CTNNA3: variants seen among roughly 807,000 people sequenced by gnomAD.
CTNNA3 encodes catenin alpha-3.
A neutral mutation model predicts 95.7 loss-of-function variants in CTNNA3; 76 were observed. The observed-to-expected ratio is 0.79, with a 90% CI of 0.66 to 0.96. The LOEUF is 0.96. CTNNA3 is among the 40% of genes least tolerant of loss of function. CTNNA3 has a pLI of 0.00. For missense variants in CTNNA3, 1,191 were observed against 1,089.8 expected, an observed-to-expected ratio of 1.09 and a Z score of -1.31; for synonymous variants, 431 against 374.4, an observed-to-expected ratio of 1.15 and a Z score of -1.74.
intron 9 of CTNNA3, among the ~76,000 whole-genome samples, chr10:66,673,188 G>C (rs568534115): frequency 1.3e-5 from 2 of 152,114 alleles, no homozygotes; most frequent in African/African-American, 4.8e-5. Context: ...AAAAATATTT[G>C]AAAACAGAAT....
intron 15 of CTNNA3, among the ~76,000 whole-genome samples, chr10:66,044,089 G>T (rs1248442724): frequency 6.6e-6 from 1 of 151,912 alleles, no homozygotes; most frequent in African/African-American, 2.4e-5. Context: ...TCCCCTCCCA[G>T]GTTCAAGCGA....
At position 67,294,140 on chromosome 10, in the gene CTNNA3, C is replaced by T. The variant is rs147775547; in HGVS notation, c.580-74270G>A. Among the ~76,000 whole-genome samples the T allele has an allele frequency of 1.3e-4, 20 of 152,220 alleles. No individual in the cohort carries two copies. The East Asian group carries it at 3.7e-3, about 28-fold the overall frequency. On this transcript the variant is annotated intron_variant, in intron 5 of 17. Coordinates refer to ENST00000433211, the MANE Select transcript of CTNNA3 (RefSeq NM_013266.4). ...CCTACAAAGAGGATGAGGTCTTATT[C>T]GTTGTCCCCAACACCTCGCTTTTTG...
chr10:66,122,304 G>A (rs2133820105), intron 13 of CTNNA3, among the ~76,000 whole-genome samples: 1 of 152,198 alleles, frequency 6.6e-6, no homozygotes, highest in African/African-American at 2.4e-5. Context: ...AAATTGAAAT[G>A]TGAAGAGAAA....
intron 7 of CTNNA3, among the ~76,000 whole-genome samples, chr10:67,151,898 AAC>A (rs1231363642): frequency 2.6e-5 from 4 of 152,234 alleles, no homozygotes; most frequent in Non-Finnish European, 5.9e-5. Context: ...CCTAGGGGAT[AAC>A]ATGCTGTGTC....
At chr10:66,207,992 C>T (rs1589732968) in intron 13 of CTNNA3, among the ~76,000 whole-genome samples, 1 of 152,084 alleles carries the variant, frequency 6.6e-6, no homozygotes, top group African/African-American at 2.4e-5. Flanking sequence ...ATATTTCTTC[C>T]AGGCACAATC....
In CTNNA3 at chr10:66,059,633, G is replaced by T. The variant is rs997146676; in HGVS notation, c.2159+9675C>A. On this transcript the variant is annotated intron_variant, in intron 15 of 17. Transcript: ENST00000433211. The stretch of plus-strand genomic sequence containing the variant: ...TTCTTCTTCCATGCTATCTTATGTT[G>T]CTCTGGCTCTAAATTCTCCACTGTG... Among the ~76,000 whole-genome samples the T allele has an allele frequency of 2.6e-5, 4 of 151,808 alleles. No homozygotes were observed. The East Asian group carries it at 5.8e-4, about 22-fold the overall frequency.
At chr10:66,570,454 A>G (rs1842837322) in intron 10 of CTNNA3, among the ~76,000 whole-genome samples, 1 of 151,938 alleles carries the variant, frequency 6.6e-6, no homozygotes. Context: ...ACGCACAGCT[A>G]ATTTTTTTAT....
intron 5 of CTNNA3, among the ~76,000 whole-genome samples, chr10:67,428,809 C>A (rs972301938): frequency 6.6e-6 from 1 of 151,928 alleles, no homozygotes; most frequent in Non-Finnish European, 1.5e-5. Flanking sequence ...GCTAGCCTAC[C>A]AGCCTACATA....
chr10:66,123,956 G>A (rs945114990), intron 13 of CTNNA3, among the ~76,000 whole-genome samples: 6 of 152,092 alleles, frequency 3.9e-5, no homozygotes, highest in African/African-American at 1.4e-4. Flanking sequence ...GGGCTCCCAT[G>A]AAGACCTCTG....
chr10:66,752,412 C>T (rs760408706), intron 9 of CTNNA3, among the ~76,000 whole-genome samples: 6 of 152,024 alleles, frequency 3.9e-5, no homozygotes, highest in Non-Finnish European at 8.8e-5. Context: ...AAACTTTGAC[C>T]CTTTATTTCA....
At chr10:66,007,551 G>A (rs1191158754) in intron 15 of CTNNA3, among the ~76,000 whole-genome samples, 1 of 152,146 alleles carries the variant, frequency 6.6e-6, no homozygotes, top group Non-Finnish European at 1.5e-5. Context: ...CTTCTCATGT[G>A]GATGTGTCCT....
chr10:66,557,752 C>T (rs1409562297), intron 10 of CTNNA3, among the ~76,000 whole-genome samples: 1 of 152,058 alleles, frequency 6.6e-6, no homozygotes, highest in Non-Finnish European at 1.5e-5. Flanking sequence ...CCTCCTTTTC[C>T]TGATTATGCA....
At chr10:65,939,166 A>G (rs2133171097) in intron 17 of CTNNA3, among the ~76,000 whole-genome samples, 1 of 152,206 alleles carries the variant, frequency 6.6e-6, no homozygotes, top group African/African-American at 2.4e-5. Flanking sequence ...CGGCCTCTCA[A>G]AGTGCTGGGA....
chr10:67,284,788 G>A (rs1839530911), intron 5 of CTNNA3, among the ~76,000 whole-genome samples: 1 of 152,130 alleles, frequency 6.6e-6, no homozygotes, highest in Non-Finnish European at 1.5e-5. Context: ...TAAGCTTATA[G>A]CATTCCCAGT....
intron 1 of CTNNA3, among the ~76,000 whole-genome samples, chr10:67,733,770 T>G (rs1011006722): frequency 6.6e-6 from 1 of 152,180 alleles, no homozygotes; most frequent in African/African-American, 2.4e-5. Flanking sequence ...CCTATTACAT[T>G]GCCACTCATG....
chr10:66,923,937 A>T (rs1846928487), intron 7 of CTNNA3, among the ~76,000 whole-genome samples: 1 of 152,260 alleles, frequency 6.6e-6, no homozygotes, highest in African/African-American at 2.4e-5. Flanking sequence ...ATATTAGGAA[A>T]AATGAAGTAG....
intron 7 of CTNNA3, chr10:67,097,598 A>C (rs1158966677): frequency 1.9e-6 from 3 of 1,612,118 alleles, no homozygotes; most frequent in Non-Finnish European, 2.5e-6. Context: ...TACCTTTATC[A>C]ATGAATGTGT....
At chr10:66,812,577 T>C (rs1841923832) in intron 7 of CTNNA3, among the ~76,000 whole-genome samples, 1 of 152,156 alleles carries the variant, frequency 6.6e-6, no homozygotes, top group Non-Finnish European at 1.5e-5. Flanking sequence ...TTCCTCCTTG[T>C]AAAATAGAGT....
rs3750863 is a variant in CTNNA3, at chr10:67,606,844, T to C, written c.292+13A>G. 528,772 of 1,600,614 alleles carry C rather than the reference T, an allele frequency of 0.33. 99,221 individuals are homozygous for C. Among genetic ancestry groups the C allele is most frequent in the African/African-American group, 0.81 (60,339 of 74,546 alleles). Reference sequence around the variant, plus strand: ...ATATGCAGTTTGCTCCTGACCAGGATTGGAGTACTCACTTTCTTTGCGAAC... The same window carrying C: ...ATATGCAGTTTGCTCCTGACCAGGACTGGAGTACTCACTTTCTTTGCGAAC... On this transcript the variant is annotated intron_variant, in intron 3 of 17. Coordinates refer to ENST00000433211, the MANE Select transcript of CTNNA3 (RefSeq NM_013266.4).
Sources: gnomAD v4.1 joint callset for allele counts (sites outside exome capture counted in the v4.1 genomes callset) on GRCh38, gnomAD v4.1.1 for gene constraint, MANE v1.5 for transcripts, NCBI Gene and HGNC (gene_info 2026-07-23, HGNC 2026-07-21) for gene names.